The following GPC5 variants were observed in gnomAD, a reference collection of about 807,000 sequenced individuals.
The protein encoded by GPC5 is glypican 5.
In GPC5, 47 loss-of-function variants were observed where a neutral mutation model predicts 53.9. The ratio of observed to expected loss-of-function variants is 0.87; its 90% CI spans 0.69 to 1.11. GPC5 has a LOEUF of 1.11. Ranked by LOEUF, GPC5 falls within the 50% of genes most tolerant of loss-of-function variation. The probability of loss-of-function intolerance (pLI) is 0.00; values close to 1 mark genes in which losing one functional copy is unlikely to be tolerated. For synonymous variants in GPC5, 286 were observed against 263.3 expected (o/e 1.09, Z -0.84); for missense variants, 748 against 713.1 (o/e 1.05, Z -0.56).
intron 6 of GPC5, among the ~76,000 whole-genome samples, chr13:91,944,752 TTAA>T (rs2039959642): frequency 6.6e-6 from 1 of 152,346 alleles, no homozygotes; most frequent in African/African-American, 2.4e-5. Flanking sequence ...GGTAAATCTC[TTAA>T]TAAGAACTTT....
chr13:91,756,412 A>C lies in GPC5; in HGVS notation c.1272A>C (p.Ile424=). The change falls in exon 5 of 8, where the codon ATA becomes ATC. Residue 424 remains isoleucine, a synonymous_variant. Coordinates refer to ENST00000377067, the MANE Select transcript of GPC5 (RefSeq NM_004466.6). ...TTCCCTGCTGGAATGGAGAAGATAT[A>C]GTAAAAAGGTATTTTATGTGGTCTG... ...DGLPCWNGED[I]VKSYTQRVVG... is the part of the protein sequence containing the mutation. 6.3e-7 allele frequency: 1 copy of C among 1,581,502 alleles called. No homozygotes were observed. The highest frequency in any genetic ancestry group is 8.6e-7 in the Non-Finnish European group (1 of 1,157,884).
At chr13:91,943,893 G>A (rs944077324) in intron 6 of GPC5, among the ~76,000 whole-genome samples, 27 of 151,906 alleles carry the variant, frequency 1.8e-4, no homozygotes, top group African/African-American at 6.5e-4. Context: ...AAAAAAAGAT[G>A]GATTTCTGGT....
intron 2 of GPC5, among the ~76,000 whole-genome samples, chr13:91,475,151 C>A (rs1207810295): frequency 6.6e-6 from 1 of 152,106 alleles, no homozygotes; most frequent in Non-Finnish European, 1.5e-5. Context: ...CACATGCCAG[C>A]TGTTGCTTTG....
At chr13:92,171,418 T>C (rs1303330201) in intron 7 of GPC5, among the ~76,000 whole-genome samples, 3 of 152,146 alleles carry the variant, frequency 2.0e-5, no homozygotes. Context: ...TATAATCTCC[T>C]CCACTGACTT....
chr13:92,315,264 G>A (rs569348631), intron 7 of GPC5, among the ~76,000 whole-genome samples: 1 of 152,328 alleles, frequency 6.6e-6, no homozygotes, highest in South Asian at 2.1e-4. Flanking sequence ...TCAGACTAAA[G>A]TAATAGCAGT....
At chr13:92,274,723 C>T (rs769562045) in intron 7 of GPC5, among the ~76,000 whole-genome samples, 2 of 152,098 alleles carry the variant, frequency 1.3e-5, no homozygotes, top group East Asian at 1.9e-4. Flanking sequence ...CTAACATGGC[C>T]GCTTGCTTCA....
intron 7 of GPC5, among the ~76,000 whole-genome samples, chr13:92,398,656 A>C (rs920139456): frequency 2.0e-5 from 3 of 152,148 alleles, no homozygotes; most frequent in Admixed American, 6.5e-5. Flanking sequence ...GTTAAATCTC[A>C]ATAGATTCTT....
intron 7 of GPC5, among the ~76,000 whole-genome samples, chr13:92,243,295 A>T (rs1315243737): frequency 1.3e-5 from 2 of 152,138 alleles, no homozygotes; most frequent in African/African-American, 4.8e-5. Flanking sequence ...TTGTCAGATG[A>T]TCCACTTCCC....
At chr13:92,716,483 C>G (rs571384492) in intron 7 of GPC5, among the ~76,000 whole-genome samples, 1 of 152,078 alleles carries the variant, frequency 6.6e-6, no homozygotes, top group South Asian at 2.1e-4. Flanking sequence ...CTCTCTTCAT[C>G]TCTTTTTCAT....
At chr13:92,038,878 C>T (rs757150711) in intron 6 of GPC5, among the ~76,000 whole-genome samples, 6 of 152,080 alleles carry the variant, frequency 3.9e-5, no homozygotes, top group Non-Finnish European at 8.8e-5. Flanking sequence ...AATGGAGAAA[C>T]AGACTCATTA....
At chr13:92,796,347 C>T (rs1054138403) in intron 7 of GPC5, among the ~76,000 whole-genome samples, 1 of 151,992 alleles carries the variant, frequency 6.6e-6, no homozygotes, top group African/African-American at 2.4e-5. Context: ...GAACATCACA[C>T]ACCGGGGCCT....
chr13:92,613,382 A>C (rs1260416851), intron 7 of GPC5, among the ~76,000 whole-genome samples: 4 of 75,402 alleles, frequency 5.3e-5, no homozygotes, highest in African/African-American at 8.5e-5. Flanking sequence ...TAAATATATT[A>C]TATTATATAT....
intron 6 of GPC5, among the ~76,000 whole-genome samples, chr13:92,006,505 G>A (rs554896762): frequency 6.6e-6 from 1 of 152,222 alleles, no homozygotes; most frequent in East Asian, 1.9e-4. Flanking sequence ...AACTCCACTT[G>A]TCTAGCACAA....
intron 6 of GPC5, among the ~76,000 whole-genome samples, chr13:91,947,339 TCTC>T (rs1251478736): frequency 6.6e-6 from 1 of 152,186 alleles, no homozygotes; most frequent in Non-Finnish European, 1.5e-5. Flanking sequence ...CTACCTCTAT[TCTC>T]CTGCTGGCTC....
intron 7 of GPC5, among the ~76,000 whole-genome samples, chr13:92,590,392 C>T (rs189979251): frequency 6.8e-4 from 103 of 152,198 alleles, no homozygotes; most frequent in East Asian, 5.8e-4. Context: ...CGCCCAAAAC[C>T]CGTTCCTATG....
intron 7 of GPC5, among the ~76,000 whole-genome samples, chr13:92,644,957 G>A (rs754659292): frequency 6.6e-6 from 1 of 152,134 alleles, no homozygotes; most frequent in Non-Finnish European, 1.5e-5. Flanking sequence ...TTATGACTCA[G>A]TCATAGGCTC....
intron 7 of GPC5, among the ~76,000 whole-genome samples, chr13:92,500,354 C>T (rs149033293): frequency 6.6e-6 from 1 of 152,176 alleles, no homozygotes; most frequent in African/African-American, 2.4e-5. Flanking sequence ...ATTCAGCACA[C>T]AATAAATGAC....
chr13:91,526,846 T>A (rs1480493577), intron 2 of GPC5, among the ~76,000 whole-genome samples: 1 of 152,166 alleles, frequency 6.6e-6, no homozygotes, highest in Admixed American at 6.5e-5. Context: ...AGGCATGTCT[T>A]ACGTGGCAGC....
chr13:92,489,105 A>G (rs1234300500), intron 7 of GPC5, among the ~76,000 whole-genome samples: 1 of 152,174 alleles, frequency 6.6e-6, no homozygotes, highest in Non-Finnish European at 1.5e-5. Flanking sequence ...TTGACAATAC[A>G]TTGCATCATG....
Sources: allele counts gnomAD v4.1 joint callset (sites outside exome capture counted in the v4.1 genomes callset), GRCh38; gene constraint gnomAD v4.1.1; transcripts MANE v1.5; gene names NCBI Gene and HGNC (gene_info 2026-07-23, HGNC 2026-07-21).